Variants in GSG1L observed in about 807,000 individuals in gnomAD.
The protein encoded by GSG1L is GSG1 like.
Under a neutral mutation model 42.1 loss-of-function variants are expected in GSG1L, and 24 were observed. The observed-to-expected ratio is 0.57, with a 90% CI of 0.41 to 0.80. GSG1L has a LOEUF of 0.80. GSG1L is among the 30% of genes least tolerant of loss of function. The probability of loss-of-function intolerance (pLI) is 0.00; values close to 1 mark genes in which losing one functional copy is unlikely to be tolerated. For synonymous variants in GSG1L, 215 were observed against 203.5 expected (o/e 1.06, Z -0.48); for missense variants, 445 against 472.2 (o/e 0.94, Z 0.53).
intron 1 of GSG1L, among the ~76,000 whole-genome samples, chr16:28,003,530 G>A (rs549417315): frequency 6.6e-6 from 1 of 152,354 alleles, no homozygotes; most frequent in African/African-American, 2.4e-5. Context: ...GCCCAGCTCA[G>A]GTCACATGTC....
At chr16:27,848,566 T>C (rs985750110) in intron 3 of GSG1L, among the ~76,000 whole-genome samples, 2 of 152,134 alleles carry the variant, frequency 1.3e-5, no homozygotes, top group Non-Finnish European at 2.9e-5. Flanking sequence ...TAGACTGGAA[T>C]AGATGGGCGG....
At chr16:27,877,270 A>G (rs949531419) in intron 3 of GSG1L, among the ~76,000 whole-genome samples, 4 of 152,116 alleles carry the variant, frequency 2.6e-5, no homozygotes, top group Admixed American at 6.5e-5. Context: ...GAGCACGAGA[A>G]AGGCCGTGGT....
At chr16:27,809,096 G>C (rs889491185) in intron 5 of GSG1L, among the ~76,000 whole-genome samples, 5 of 152,138 alleles carry the variant, frequency 3.3e-5, no homozygotes, top group Admixed American at 2.6e-4. Context: ...GTCCTCTCAA[G>C]TAAGAACAAC....
At chr16:28,048,919 T>A (rs976233572) in intron 1 of GSG1L, among the ~76,000 whole-genome samples, 1 of 152,090 alleles carries the variant, frequency 6.6e-6, no homozygotes, top group Non-Finnish European at 1.5e-5. Context: ...GAGGCTTTTT[T>A]AAAAAAGATG....
chr16:27,960,426 C>T (rs9936290), intron 2 of GSG1L, among the ~76,000 whole-genome samples: 116,590 of 152,042 alleles, frequency 0.77, 45,062 homozygotes, highest in South Asian at 0.88. Flanking sequence ...GCCAGTGTCG[C>T]GATTATCGTA....
intron 2 of GSG1L, among the ~76,000 whole-genome samples, chr16:27,953,249 T>C (rs1324448441): frequency 6.6e-6 from 1 of 152,094 alleles, no homozygotes; most frequent in Non-Finnish European, 1.5e-5. Flanking sequence ...GCCACCACAC[T>C]GGGCTAATTT....
At chr16:28,022,486 T>C (rs1475320065) in intron 1 of GSG1L, among the ~76,000 whole-genome samples, 1 of 149,952 alleles carries the variant, frequency 6.7e-6, no homozygotes, top group Admixed American at 6.6e-5. Flanking sequence ...CTAATTTTTT[T>C]TTTTTTTTGA....
chr16:27,911,084 G>C (rs1289938998), intron 2 of GSG1L, among the ~76,000 whole-genome samples: 1 of 152,052 alleles, frequency 6.6e-6, no homozygotes, highest in South Asian at 2.1e-4. Context: ...TCAAGGGCTG[G>C]GGACCTGGCA....
Position 27,888,450 on chromosome 16 carries a change from T to C in GSG1L, c.398-3812A>G, listed in dbSNP as rs373594000. Among the ~76,000 whole-genome samples, 290 of 29,480 alleles carry C rather than the reference T, an allele frequency of 9.8e-3. 24 individuals carry two copies. Among genetic ancestry groups the C allele is most frequent in the African/African-American group, 0.017 (211 of 12,430 alleles). The allele number at this position is 29,480 out of a possible 152,430, so 19.3% of individuals were successfully genotyped here. A position where few individuals can be genotyped will look rare whatever the true frequency, so the allele number is the denominator to read the frequency against. ...TTTCTTTCTTTCTTTCTTTCTTTCTTTCTTTCTTTCTTTCTCTCTCTCTCT... is the reference window on the plus strand; with the variant it reads ...TTTCTTTCTTTCTTTCTTTCTTTCTCTCTTTCTTTCTTTCTCTCTCTCTCT... On this transcript the variant is annotated intron_variant, in intron 2 of 6. Transcript: ENST00000447459.
chr16:28,024,908 A>G (rs182016499), intron 1 of GSG1L, among the ~76,000 whole-genome samples: 2 of 152,172 alleles, frequency 1.3e-5, no homozygotes, highest in Non-Finnish European at 2.9e-5. Context: ...TACATTTACC[A>G]AAGTTCCCTG....
intron 4 of GSG1L, among the ~76,000 whole-genome samples, chr16:27,837,120 G>C (rs1451143633): frequency 2.0e-5 from 3 of 152,144 alleles, no homozygotes; most frequent in Non-Finnish European, 4.4e-5. Flanking sequence ...CATGGCTTAG[G>C]AGGCCTCAGG....
chr16:27,816,735 G>A (rs2083097953), intron 5 of GSG1L, among the ~76,000 whole-genome samples: 1 of 152,182 alleles, frequency 6.6e-6, no homozygotes. Context: ...AGTCCTGGTA[G>A]CTCCAACCCT....
At chr16:27,883,890 C>T (rs1225724330) in intron 3 of GSG1L, among the ~76,000 whole-genome samples, 2 of 152,212 alleles carry the variant, frequency 1.3e-5, no homozygotes, top group Admixed American at 1.3e-4. Context: ...GTTGACTGTC[C>T]CATTCTTCCT....
chr16:28,026,035 T>C (rs1371533058), intron 1 of GSG1L, among the ~76,000 whole-genome samples: 1 of 152,176 alleles, frequency 6.6e-6, no homozygotes, highest in African/African-American at 2.4e-5. Context: ...AAGAAATTCG[T>C]CTGATCAACA....
chr16:28,017,262 A>G (rs2085791974), intron 1 of GSG1L, among the ~76,000 whole-genome samples: 1 of 152,244 alleles, frequency 6.6e-6, no homozygotes, highest in African/African-American at 2.4e-5. Flanking sequence ...AGGCATCTTC[A>G]AAGGTCAGAG....
At chr16:27,934,919 G>A (rs2084697334) in intron 2 of GSG1L, among the ~76,000 whole-genome samples, 1 of 152,214 alleles carries the variant, frequency 6.6e-6, no homozygotes, top group South Asian at 2.1e-4. Context: ...TGGATGCCAA[G>A]CACCATGTGG....
At chr16:28,042,810 T>C (rs1229933543) in intron 1 of GSG1L, among the ~76,000 whole-genome samples, 1 of 151,950 alleles carries the variant, frequency 6.6e-6, no homozygotes, top group Non-Finnish European at 1.5e-5. Context: ...CCTAAGAAAA[T>C]ATAAACTCTA....
At chr16:27,948,711 G>A (rs1453802431) in intron 2 of GSG1L, among the ~76,000 whole-genome samples, 2 of 149,112 alleles carry the variant, frequency 1.3e-5, no homozygotes, top group African/African-American at 4.9e-5. Context: ...CCAGGTTCAC[G>A]CCATTCGCCT....
At chr16:27,925,766 G>T (rs1304734781) in intron 2 of GSG1L, among the ~76,000 whole-genome samples, 1 of 152,166 alleles carries the variant, frequency 6.6e-6, no homozygotes, top group Non-Finnish European at 1.5e-5. Flanking sequence ...GGCTGGGGGT[G>T]ACAAGGTGAA....
Sources: gnomAD v4.1 joint callset for allele counts (sites outside exome capture counted in the v4.1 genomes callset) on GRCh38, gnomAD v4.1.1 for gene constraint, MANE v1.5 for transcripts, NCBI Gene and HGNC (gene_info 2026-07-23, HGNC 2026-07-21) for gene names.